Variants in CEP135 observed in about 807,000 individuals in gnomAD.
The protein encoded by CEP135 is centrosomal protein 135, also known as centrosomal protein of 135 kDa.
Under a neutral mutation model 157.3 loss-of-function variants are expected in CEP135, and 142 were observed. The observed-to-expected ratio is 0.90, with a 90% CI of 0.79 to 1.04. CEP135 has a LOEUF of 1.04. Among genes scored for constraint, CEP135 ranks in the 50% least tolerant of loss-of-function variants. The pLI, the probability that CEP135 is intolerant of heterozygous loss-of-function variation, is 0.00. For missense variants in CEP135, 1,317 were observed against 1,309.2 expected (o/e 1.01, Z -0.09); for synonymous variants, 396 against 439.8 (o/e 0.90, Z 1.25).
chr4:56,009,970 T>G, intron 19 of CEP135, 67 bp downstream of exon 19: 5 of 1,437,052 alleles, frequency 3.5e-6, no homozygotes, highest in South Asian at 1.3e-5. Flanking sequence ...ATTAAAGCTC[T>G]AAATATTTTT....
chr4:56,019,122 A>G (rs1213851876), intron 22 of CEP135, among the ~76,000 whole-genome samples: 2 of 152,206 alleles, frequency 1.3e-5, no homozygotes, highest in African/African-American at 2.4e-5. Context: ...TTATTTGAGG[A>G]TTTGAGTAGA....
At chr4:55,965,455 A>G in intron 7 of CEP135, 189 bp from the exon 8 acceptor site, 1 of 487,048 alleles carries the variant, frequency 2.1e-6, no homozygotes, top group Non-Finnish European at 3.6e-6. Context: ...AAGTCAATGG[A>G]TATGTACTTT....
intron 24 of CEP135, among the ~76,000 whole-genome samples, chr4:56,023,083 A>T (rs1731020832): frequency 6.6e-6 from 1 of 152,050 alleles, no homozygotes. Context: ...CATTTTAAAA[A>T]TTAGCTGGCC....
intron 5 of CEP135, among the ~76,000 whole-genome samples, chr4:55,958,894 C>T (rs1243970164): frequency 6.6e-6 from 1 of 152,004 alleles, no homozygotes; most frequent in Non-Finnish European, 1.5e-5. Context: ...AGACCAGCTT[C>T]GACAATGTGG....
chr4:55,959,651 T>C (rs768244275), intron 5 of CEP135, 31 bp from the exon 6 acceptor site: 14 of 1,546,982 alleles, frequency 9.0e-6, no homozygotes, highest in Middle Eastern at 1.7e-4. Context: ...TTAACAAAAG[T>C]GTATTGGCAT....
chr4:56,026,077 C>T (rs1476659396), intron 25 of CEP135, among the ~76,000 whole-genome samples: 1 of 152,092 alleles, frequency 6.6e-6, no homozygotes, highest in Non-Finnish European at 1.5e-5. Context: ...GGCATGGTGG[C>T]ACGCACCTGT....
chr4:56,010,756 G>A (rs773413315), intron 19 of CEP135, among the ~76,000 whole-genome samples: 3 of 152,096 alleles, frequency 2.0e-5, no homozygotes, highest in Non-Finnish European at 4.4e-5. Flanking sequence ...GAAAACCAGT[G>A]ATTTTACTGT....
At position 55,974,859 on chromosome 4, in the gene CEP135, G is replaced by C; in HGVS notation, c.1363G>C (p.Asp455His). The C allele has an allele frequency of 6.2e-7, 1 of 1,613,850 alleles. No individual in the cohort carries two copies. The highest frequency in any genetic ancestry group is 8.5e-7 in the Non-Finnish European group (1 of 1,179,854). The change falls in exon 11 of 26, where the codon GAT becomes CAT. Residue 455 changes from aspartate (D) to histidine (H), a missense_variant. Transcript: ENST00000257287. ...TFLKGIEEERDYYKKELERLQ... is the reference protein window; with the variant it reads ...TFLKGIEEERHYYKKELERLQ... ...TCTGAAAGGTATAGAAGAAGAACGA[G>C]ATTATTATAAGAAAGAGCTAGAGAG...
At position 55,953,156 on chromosome 4, in the gene CEP135, C is replaced by T. The variant is rs1728410734; in HGVS notation, c.185C>T (p.Ala62Val). The change falls in exon 3 of 26, where the codon GCC (alanine) becomes GTC (valine). Residue 62 changes from alanine to valine, a missense_variant. Physicochemically the swap from Ala to Val is moderately conservative, Grantham distance 64. Coordinates refer to ENST00000257287, the MANE Select transcript of CEP135 (RefSeq NM_025009.5). ...LSAVKAEKES[A>V]NFDFVLEPYK... is the part of the protein sequence containing the mutation. ...GCTGTGAAAGCTGAAAAAGAAAGTG[C>T]CAATTTTGATTTTGTTTTGGAACCC... 2 of 1,607,006 alleles carry T rather than the reference C, an allele frequency of 1.2e-6. No homozygotes were observed. The highest frequency in any genetic ancestry group is 4.5e-5 in the East Asian group (2 of 44,272).
At chr4:55,967,367 T>G (rs1268068739) in intron 8 of CEP135, among the ~76,000 whole-genome samples, 1 of 152,178 alleles carries the variant, frequency 6.6e-6, no homozygotes, top group Non-Finnish European at 1.5e-5. Flanking sequence ...TTTAAAGCCT[T>G]TGGCCAGCCC....
At chr4:55,959,448 A>C (rs146520585) in intron 5 of CEP135, among the ~76,000 whole-genome samples, 168 of 152,066 alleles carry the variant, frequency 1.1e-3, no homozygotes, top group Non-Finnish European at 1.8e-3. Flanking sequence ...TGTTTCTTGC[A>C]CAGTGTATCT....
At chr4:55,976,471 T>G (rs1048076712) in intron 11 of CEP135, among the ~76,000 whole-genome samples, 1 of 152,200 alleles carries the variant, frequency 6.6e-6, no homozygotes, top group African/African-American at 2.4e-5. Context: ...TCTCAGAGCT[T>G]TTAACCAAAA....
rs1729706174 is a variant in CEP135 at position 55,989,196 on chromosome 4, CT to C, written c.1858-2736del. ...ACACCCAAAAATCAGTTAAAGGTTA[CT>C]TACAGCCTTGAATGTTCAAGATATT... On this transcript the variant is annotated intron_variant, in intron 14 of 25. Coordinates refer to ENST00000257287, the MANE Select transcript of CEP135 (RefSeq NM_025009.5). 3.3e-5 allele frequency among the ~76,000 whole-genome samples: 5 copies of C among 152,134 alleles called. No individual in the cohort carries two copies. In the South Asian group the frequency reaches 1.0e-3, roughly 32 times the overall value.
At chr4:56,022,505 A>T (rs993868338) in intron 24 of CEP135, among the ~76,000 whole-genome samples, 5 of 152,184 alleles carry the variant, frequency 3.3e-5, no homozygotes, top group African/African-American at 1.2e-4. Context: ...GGATGGAGGG[A>T]TAATCTGGGG....
At chr4:56,025,122 C>T (rs1731113168) in intron 25 of CEP135, among the ~76,000 whole-genome samples, 1 of 152,080 alleles carries the variant, frequency 6.6e-6, no homozygotes, top group Admixed American at 6.6e-5. Flanking sequence ...TGCACTATTA[C>T]AGTCCAGTAT....
chr4:55,950,798 C>A (rs1560393986), intron 1 of CEP135, among the ~76,000 whole-genome samples: 1 of 151,732 alleles, frequency 6.6e-6, no homozygotes, highest in East Asian at 1.9e-4. Flanking sequence ...TGATGAAATG[C>A]ATAGAGTTTA....
Position 55,999,339 on chromosome 4 carries a change from T to TA in CEP135, c.2048dup (p.Tyr683Ter). 6.2e-7 allele frequency: 1 copy of TA among 1,614,184 alleles called. No homozygotes were observed. Among genetic ancestry groups the TA allele is most frequent in the Non-Finnish European group, 8.5e-7 (1 of 1,180,004 alleles). Residue 683 changes from tyrosine (Y) to a stop codon, truncating the protein, a stop_gained and frameshift_variant, in exon 16 of 26, where the codon TAT becomes TAAT. Coordinates refer to ENST00000257287, the MANE Select transcript of CEP135 (RefSeq NM_025009.5). LOFTEE classifies it high-confidence loss of function. The part of the protein sequence containing the change: ...NEQLQRSVDD[Y>*]QHRLSIKRGE... ...GCAGCTACAGCGGTCAGTTGATGAC[T>TA]ATCAGCACCGACTTTCCATAAAAAG... is the stretch of plus-strand genomic sequence containing the variant.
chr4:55,954,032 G>T (rs1417087335), intron 3 of CEP135, among the ~76,000 whole-genome samples, 184 bp from the exon 4 acceptor site: 1 of 152,178 alleles, frequency 6.6e-6, no homozygotes, highest in Non-Finnish European at 1.5e-5. Context: ...TCTCTTTTGT[G>T]CTTAGTGAGT....
chr4:56,023,507 C>A (rs2109750614), intron 24 of CEP135, among the ~76,000 whole-genome samples: 1 of 151,228 alleles, frequency 6.6e-6, no homozygotes, highest in East Asian at 1.9e-4. Flanking sequence ...TCCATAGTCA[C>A]CATTAGCCTT....
Sources: allele counts gnomAD v4.1 joint callset (sites outside exome capture counted in the v4.1 genomes callset), GRCh38; gene constraint gnomAD v4.1.1; transcripts MANE v1.5; gene names NCBI Gene and HGNC (gene_info 2026-07-23, HGNC 2026-07-21).